The following NUP54 variants were observed in gnomAD, a reference collection of about 807,000 sequenced individuals.
The protein encoded by NUP54 is nucleoporin 54, also known as nucleoporin p54.
In NUP54, 27 loss-of-function variants were observed where a neutral mutation model predicts 66.4. The ratio of observed to expected loss-of-function variants is 0.41; its 90% CI spans 0.30 to 0.56. The LOEUF is 0.56. Ranked by LOEUF, NUP54 falls within the 20% of genes least tolerant of loss-of-function variation. The probability of loss-of-function intolerance (pLI) is 0.34; values close to 1 mark genes in which losing one functional copy is unlikely to be tolerated. For missense variants in NUP54, 486 were observed against 596.3 expected (o/e 0.82, Z 1.93); for synonymous variants, 206 against 210.7 (o/e 0.98, Z 0.19).
intron 1 of NUP54, among the ~76,000 whole-genome samples, chr4:76,147,155 G>T (rs566455855): frequency 6.6e-6 from 1 of 152,300 alleles, no homozygotes; most frequent in East Asian, 1.9e-4. Context: ...AAGAATCCCA[G>T]GATGGGCTTG....
chr4:76,124,579 ATC>A, intron 9 of NUP54, 68 bp downstream of exon 9: 1 of 535,150 alleles, frequency 1.9e-6, no homozygotes, highest in East Asian at 3.3e-5. Flanking sequence ...TATTTTAAAA[ATC>A]TATATTTAGT....
chr4:76,145,512 A>AG, intron 1 of NUP54: 6 of 1,110,276 alleles, frequency 5.4e-6, no homozygotes, highest in Non-Finnish European at 7.0e-6. Flanking sequence ...AGTCTCTGTC[A>AG]AGACTAAGTA....
intron 8 of NUP54, among the ~76,000 whole-genome samples, chr4:76,127,432 C>CAAAAAAAAAAAAAAAAAAA (rs59383944): frequency 1.8e-5 from 1 of 54,786 alleles, no homozygotes. Context: ...ACCCCCATCT[C>CAAAAAAAAAAAAAAAAAAA]AAAAAAAAAA....
rs150967367 is a variant in NUP54 at position 76,128,449 on chromosome 4, G to A, written c.1056+2207C>T. ...AAAAGAAAGCAGAAAAGTAGAAACA[G>A]GAATGAAAAACAGAGGCTACAAACA... On this transcript the variant is annotated intron_variant, in intron 8 of 11. Transcript: ENST00000264883. 3.8e-3 allele frequency among the ~76,000 whole-genome samples: 540 copies of A among 143,334 alleles called. 6 individuals are homozygous for A. Among genetic ancestry groups the A allele is most frequent in the African/African-American group, 0.013 (519 of 38,944 alleles). The allele number at this position is 143,334 out of a possible 152,430, so 94.0% of individuals were successfully genotyped here.
chr4:76,124,655 A>T lies in NUP54; in HGVS notation c.1158T>A (p.Thr386=). 1.3e-6 allele frequency: 2 copies of T among 1,531,032 alleles called. No homozygotes were observed. The highest frequency in any genetic ancestry group is 1.8e-6 in the Non-Finnish European group (2 of 1,112,658). 94.8% of individuals were successfully genotyped at this position (1,531,032 alleles called of 1,614,324 possible). ...GGAAAATCCAAATTACTACCTGTAA[A>T]GTTCTATGGGAAAGATCCATGAGTT... The part of the protein sequence containing the change: ...KRKLMDLSHR[T]LQVLIKQEIQ... Residue 386 remains threonine (T), a synonymous_variant, in exon 9 of 12, where the codon ACT becomes ACA. Coordinates refer to ENST00000264883, the MANE Select transcript of NUP54 (RefSeq NM_017426.4).
At chr4:76,125,869 A>G (rs547082793) in intron 8 of NUP54, among the ~76,000 whole-genome samples, 1 of 143,424 alleles carries the variant, frequency 7.0e-6, no homozygotes, top group Non-Finnish European at 1.5e-5. Flanking sequence ...GGGGAGGGAG[A>G]GAGAGAGACA....
At chr4:76,125,728 G>T in intron 8 of NUP54, among the ~76,000 whole-genome samples, 1 of 25,666 alleles carries the variant, frequency 3.9e-5, no homozygotes, top group Non-Finnish European at 6.8e-5. Flanking sequence ...GAGGGGGAGA[G>T]AGAGGGAGAA....
chr4:76,126,677 C>G (rs1420536825), intron 8 of NUP54, among the ~76,000 whole-genome samples: 1 of 136,648 alleles, frequency 7.3e-6, no homozygotes, highest in African/African-American at 2.6e-5. Context: ...GGAATTGATC[C>G]AAGAAAGAAC....
At chr4:76,117,947 T>C in intron 10 of NUP54, 128 bp downstream of exon 10, 1 of 1,085,154 alleles carries the variant, frequency 9.2e-7, no homozygotes. Context: ...GAGTTTACTT[T>C]AGAAAGGAAG....
chr4:76,141,996 T>C (rs1269464002), intron 3 of NUP54, among the ~76,000 whole-genome samples: 1 of 152,156 alleles, frequency 6.6e-6, no homozygotes, highest in African/African-American at 2.4e-5. Context: ...TCCTTGACTA[T>C]GAGCAAGGAT....
chr4:76,133,472 A>G (rs747681646), intron 5 of NUP54, among the ~76,000 whole-genome samples: 2 of 151,360 alleles, frequency 1.3e-5, no homozygotes, highest in Non-Finnish European at 2.9e-5. Context: ...CGCCCGGCTG[A>G]TTTTTTTTGT....
intron 3 of NUP54, among the ~76,000 whole-genome samples, chr4:76,141,154 A>AATACATGG (rs11283367): frequency 0.16 from 24,256 of 152,072 alleles, 2,985 homozygotes; most frequent in African/African-American, 0.34. Context: ...AAGTATGAGG[A>AATACATGG]ATACATGGAC....
intron 3 of NUP54, among the ~76,000 whole-genome samples, chr4:76,143,599 G>A (rs1005168713): frequency 1.7e-4 from 26 of 152,200 alleles, no homozygotes; most frequent in East Asian, 7.7e-4. Context: ...GCAAGACTCC[G>A]TCTCAAAAAA....
In NUP54 at chr4:76,136,399, G is replaced by A; in HGVS notation, c.309C>T (p.Leu103=). 1 of 1,612,666 alleles carries A rather than the reference G, an allele frequency of 6.2e-7. No individual in the cohort carries two copies. The highest frequency in any genetic ancestry group is 8.5e-7 in the Non-Finnish European group (1 of 1,179,156). Residue 103 remains leucine, a synonymous_variant, in exon 4 of 12, where the codon CTC becomes CTT. Coordinates refer to ENST00000264883, the MANE Select transcript of NUP54 (RefSeq NM_017426.4). The stretch of plus-strand genomic sequence containing the variant: ...TAGGAGCTTGTGTAGGCTGACTGAA[G>A]AGACCACCTAATGCTAAAAATGTAC... The part of the protein sequence containing the change: ...QQQQQTTLGG[L]FSQPTQAPTQ...
intron 8 of NUP54, among the ~76,000 whole-genome samples, chr4:76,128,710 G>A (rs1178066376): frequency 6.6e-6 from 1 of 152,184 alleles, no homozygotes; most frequent in Admixed American, 6.5e-5. Flanking sequence ...TGGTGTGTAT[G>A]TGTACACATA....
chr4:76,125,651 AGAGG>A (rs1730463743), intron 8 of NUP54, among the ~76,000 whole-genome samples: 1 of 19,742 alleles, frequency 5.1e-5, no homozygotes, highest in Non-Finnish European at 8.2e-5. Flanking sequence ...GGAGAGGGGG[AGAGG>A]GAGAGAGGGG....
intron 10 of NUP54, 128 bp downstream of exon 10, chr4:76,117,947 T>G (rs1714577342): frequency 2.8e-6 from 3 of 1,085,154 alleles, no homozygotes; most frequent in Non-Finnish European, 4.1e-6. Context: ...GAGTTTACTT[T>G]AGAAAGGAAG....
chr4:76,115,270 T>A lies in NUP54; in HGVS notation c.*96A>T, dbSNP rs1729898175. The A allele has an allele frequency of 5.3e-6, 6 of 1,136,868 alleles. No homozygotes were observed. The South Asian group carries it at 1.7e-4, about 31-fold the overall frequency. 70.4% of individuals were successfully genotyped at this position (1,136,868 alleles called of 1,614,324 possible). A position where few individuals can be genotyped will look rare whatever the true frequency, so the allele number is the denominator to read the frequency against. ...AAAACCAATCCAAGAAAGAATTGTTTTCTTTTTCCCTCCATGTGGTCGGTT... is the reference window on the plus strand; with the variant it reads ...AAAACCAATCCAAGAAAGAATTGTTATCTTTTTCCCTCCATGTGGTCGGTT... On this transcript the variant is annotated 3_prime_UTR_variant, in exon 12 of 12. Coordinates refer to ENST00000264883, the MANE Select transcript of NUP54 (RefSeq NM_017426.4).
At chr4:76,121,914 T>C (rs577636760) in intron 9 of NUP54, among the ~76,000 whole-genome samples, 1 of 152,330 alleles carries the variant, frequency 6.6e-6, no homozygotes, top group Non-Finnish European at 1.5e-5. Flanking sequence ...TCAGCAAAAA[T>C]AGATCACTTA....
Sources: allele counts gnomAD v4.1 joint callset (sites outside exome capture counted in the v4.1 genomes callset), GRCh38; gene constraint gnomAD v4.1.1; transcripts MANE v1.5; gene names NCBI Gene and HGNC (gene_info 2026-07-23, HGNC 2026-07-21).